ZNF462: variants seen among roughly 807,000 people sequenced by gnomAD.
ZNF462 encodes the protein zinc finger protein 462.
ZNF462 carries 10 observed loss-of-function variants against 201.9 expected under a neutral mutation model. The ratio of observed to expected loss-of-function variants is 0.05; its 90% CI spans 0.03 to 0.08. The LOEUF is 0.08. ZNF462 is among the 10% of genes least tolerant of loss of function. ZNF462 has a pLI of 1.00. For missense variants in ZNF462, 2,523 were observed against 3,168.3 expected, an observed-to-expected ratio of 0.80 and a Z score of 4.89; for synonymous variants, 1,227 against 1,193.3, an observed-to-expected ratio of 1.03 and a Z score of -0.58.
At chr9:106,908,398 T>C (rs117410736) in intron 1 of ZNF462, among the ~76,000 whole-genome samples, 1 of 152,146 alleles carries the variant, frequency 6.6e-6, no homozygotes, top group African/African-American at 2.4e-5. Flanking sequence ...ACTTTTACAT[T>C]ATTAAGTGTT....
rs185834318 is a variant in ZNF462, at chr9:107,013,309, C to T, written c.*2279C>T. ...AAACATATACCTGATATTTTGTGGCCGCACATTTTGGATGCATTATTATAA... is the reference window on the plus strand; with the variant it reads ...AAACATATACCTGATATTTTGTGGCTGCACATTTTGGATGCATTATTATAA... On this transcript the variant is annotated 3_prime_UTR_variant, in exon 13 of 13. Coordinates refer to ENST00000277225, the MANE Select transcript of ZNF462 (RefSeq NM_021224.6). The T allele has an allele frequency of 1.3e-5, 2 of 151,996 alleles. No individual in the cohort carries two copies. The highest frequency in any genetic ancestry group is 1.3e-4 in the Admixed American group (2 of 15,264). The allele number at this position is 151,996 out of a possible 1,614,324, so 9.4% of individuals were successfully genotyped here.
In ZNF462 at chr9:106,928,566, G is replaced by A. The variant is rs571851248; in HGVS notation, c.4654G>A (p.Val1552Ile). The change falls in exon 3 of 13, where the codon GTA (valine) becomes ATA (isoleucine). Residue 1552 changes from valine to isoleucine, a missense_variant. Val to Ile is a conservative substitution (Grantham distance 29, BLOSUM62 3). Around this residue, in one of 15 missense-constraint regions of ZNF462, gnomAD observed 200 missense variants for 281.3 expected, o/e 0.71. Coordinates refer to ENST00000277225, the MANE Select transcript of ZNF462 (RefSeq NM_021224.6). This position sits in a 1 kb window ranked among gnomAD's most constrained non-coding sequence, Gnocchi z 9.3. ...KVTAEDFVHD[V>I]EQSADISQND... ...GACCGCTGAGGACTTTGTGCACGAC[G>A]TAGAGCAGTCTGCTGACATATCCCA... 26 of 1,613,920 alleles carry A rather than the reference G, an allele frequency of 1.6e-5. No homozygotes were observed. The highest frequency in any genetic ancestry group is 6.6e-5 in the South Asian group (6 of 91,076).
rs1830702796 is a variant in ZNF462 at position 106,938,004 on chromosome 9, A to G, written c.6236-912A>G. 6.6e-6 allele frequency among the ~76,000 whole-genome samples: 1 copy of G among 152,204 alleles called. No individual in the cohort carries two copies. The highest frequency in any genetic ancestry group is 1.5e-5 in the Non-Finnish European group (1 of 68,026). On this transcript the variant is annotated intron_variant, in intron 6 of 12. Coordinates refer to ENST00000277225, the MANE Select transcript of ZNF462 (RefSeq NM_021224.6). The surrounding 1 kb of genome is among the most constrained non-coding windows in gnomAD (Gnocchi z 4.4). Reference sequence around the variant, plus strand: ...TCTTAAAAGCAAAATGGCTTTCTGAATTGATCTTACCAGTGTATATATGTC... The same window carrying G: ...TCTTAAAAGCAAAATGGCTTTCTGAGTTGATCTTACCAGTGTATATATGTC...
Position 106,974,423 on chromosome 9 carries a change from A to T in ZNF462, c.6832+150A>T. The T allele has an allele frequency of 1.6e-6, 2 of 1,282,828 alleles. No homozygotes were observed. Among genetic ancestry groups the T allele is most frequent in the Non-Finnish European group, 2.3e-6 (2 of 885,566 alleles). 79.5% of individuals were successfully genotyped at this position (1,282,828 alleles called of 1,614,324 possible). A position where few individuals can be genotyped will look rare whatever the true frequency, so the allele number is the denominator to read the frequency against. Reference sequence around the variant, plus strand: ...AGAAACCACAGTGATAACCACAGTGACAGCCAAAAGGGCAAAAACACCTTC... The same window carrying T: ...AGAAACCACAGTGATAACCACAGTGTCAGCCAAAAGGGCAAAAACACCTTC... On this transcript the variant is annotated intron_variant, in intron 9 of 12. Coordinates refer to ENST00000277225, the MANE Select transcript of ZNF462 (RefSeq NM_021224.6). The surrounding 1 kb of genome is among the most constrained non-coding windows in gnomAD (Gnocchi z 4.0).
In ZNF462 at chr9:106,930,794, C is replaced by T. The variant is rs1830393951; in HGVS notation, c.6012+105C>T. The T allele has an allele frequency of 1.5e-6, 2 of 1,372,500 alleles. No individual in the cohort carries two copies. Among genetic ancestry groups the T allele is most frequent in the Non-Finnish European group, 2.0e-6 (2 of 1,001,762 alleles). 85.0% of individuals were successfully genotyped at this position (1,372,500 alleles called of 1,614,324 possible). ...AGGAAAGAGCATCTCAGAATGCGGGCATTCCTGAATTATGCTTGGATTGGT... is the reference window on the plus strand; with the variant it reads ...AGGAAAGAGCATCTCAGAATGCGGGTATTCCTGAATTATGCTTGGATTGGT... On this transcript the variant is annotated intron_variant, in intron 4 of 12. Transcript: ENST00000277225. This position sits in a 1 kb window ranked among gnomAD's most constrained non-coding sequence, Gnocchi z 5.8.
chr9:106,979,004 C>T (rs1482370161), intron 9 of ZNF462: 2 of 224,736 alleles, frequency 8.9e-6, no homozygotes, highest in South Asian at 6.0e-5. Context: ...GGACTAGACA[C>T]CCCAATTTGG....
chr9:106,952,727 A>T (rs982573257), intron 7 of ZNF462, among the ~76,000 whole-genome samples: 2 of 152,236 alleles, frequency 1.3e-5, no homozygotes, highest in Admixed American at 1.3e-4. Context: ...TTAATTAATG[A>T]TAACTATCAC....
At position 106,930,525 on chromosome 9, in the gene ZNF462, C is replaced by G; in HGVS notation, c.5848C>G (p.Pro1950Ala). 1 of 1,614,048 alleles carries G rather than the reference C, an allele frequency of 6.2e-7. No individual in the cohort carries two copies. The highest frequency in any genetic ancestry group is 8.5e-7 in the Non-Finnish European group (1 of 1,179,956). Reference protein sequence around the residue: ...GAFADFKQERPFGHLEEVPKI... With the variant: ...GAFADFKQERAFGHLEEVPKI... Reference sequence around the variant, plus strand: ...GATGGCTACCACTGTATTTTACCAGCCTTTTGGTCACTTAGAAGAGGTGCC... The same window carrying G: ...GATGGCTACCACTGTATTTTACCAGGCTTTTGGTCACTTAGAAGAGGTGCC... The change falls in exon 4 of 13, where the codon CCT (proline) becomes GCT (alanine). Residue 1950 changes from proline to alanine, a missense_variant and splice_region_variant. This residue lies in a region of ZNF462 where 107 missense variants were observed against 187.7 expected (regional missense o/e 0.57). Transcript: ENST00000277225. The surrounding 1 kb of genome is among the most constrained non-coding windows in gnomAD (Gnocchi z 5.8).
At chr9:106,918,162 A>T (rs1004804202) in intron 1 of ZNF462, among the ~76,000 whole-genome samples, 1 of 152,142 alleles carries the variant, frequency 6.6e-6, no homozygotes, top group African/African-American at 2.4e-5. Context: ...GGCGTGAGCC[A>T]CCACGCCCTG....
At chr9:106,914,965 C>G (rs1175976790) in intron 1 of ZNF462, among the ~76,000 whole-genome samples, 1 of 151,868 alleles carries the variant, frequency 6.6e-6, no homozygotes, top group Non-Finnish European at 1.5e-5. Flanking sequence ...TGAATTTAAT[C>G]AGGAAAAAAA....
intron 1 of ZNF462, among the ~76,000 whole-genome samples, chr9:106,888,482 A>G (rs1828429377): frequency 6.6e-6 from 1 of 152,216 alleles, no homozygotes; most frequent in Admixed American, 6.5e-5. Context: ...GTTAACGTCT[A>G]ATTTGAGATG....
chr9:106,914,968 G>GA (rs529609903), intron 1 of ZNF462, among the ~76,000 whole-genome samples: 6 of 151,822 alleles, frequency 4.0e-5, no homozygotes, highest in Non-Finnish European at 5.9e-5. Flanking sequence ...ATTTAATCAG[G>GA]AAAAAAAATC....
chr9:106,888,811 G>T (rs11794083), intron 1 of ZNF462, among the ~76,000 whole-genome samples: 21,924 of 152,140 alleles, frequency 0.14, 1,697 homozygotes, highest in South Asian at 0.27. Flanking sequence ...ATCCTCTGCT[G>T]GAATATTTCC....
rs1251268338 is a variant in ZNF462 at position 106,950,907 on chromosome 9, T to C, written c.6427+11800T>C. Among the ~76,000 whole-genome samples the C allele has an allele frequency of 6.6e-6, 1 of 152,032 alleles. No homozygotes were observed. The highest frequency in any genetic ancestry group is 1.5e-5 in the Non-Finnish European group (1 of 68,014). ...GAGTTCAAGACCAGCCTGGCCAACATAGTGAAACCCCATCTCTACTAAAAA... is the reference window on the plus strand; with the variant it reads ...GAGTTCAAGACCAGCCTGGCCAACACAGTGAAACCCCATCTCTACTAAAAA... On this transcript the variant is annotated intron_variant, in intron 7 of 12. Transcript: ENST00000277225. The surrounding 1 kb of genome is among the most constrained non-coding windows in gnomAD (Gnocchi z 4.1).
chr9:106,867,851 C>T (rs573524433), intron 1 of ZNF462, among the ~76,000 whole-genome samples: 4 of 152,158 alleles, frequency 2.6e-5, no homozygotes, highest in Non-Finnish European at 5.9e-5. Context: ...TTCAGACTTA[C>T]ACTTCACTGC....
intron 7 of ZNF462, among the ~76,000 whole-genome samples, chr9:106,941,518 T>TA (rs1455088382): frequency 6.6e-6 from 1 of 152,218 alleles, no homozygotes; most frequent in Non-Finnish European, 1.5e-5. Context: ...AAGGGATTCT[T>TA]ACTTTTATCC....
chr9:106,926,440 A>T lies in ZNF462; in HGVS notation c.2528A>T (p.Tyr843Phe). 1 of 1,614,218 alleles carries T rather than the reference A, an allele frequency of 6.2e-7. No homozygotes were observed. Residue 843 changes from tyrosine (Y) to phenylalanine (F), a missense_variant, in exon 3 of 13, where the codon TAC becomes TTC. Tyr to Phe is a conservative substitution (Grantham distance 22). Coordinates refer to ENST00000277225, the MANE Select transcript of ZNF462 (RefSeq NM_021224.6). This position sits in a 1 kb window ranked among gnomAD's most constrained non-coding sequence, Gnocchi z 7.9. ...GACTTTGGTGACTCTGGAAGGCTTT[A>T]CTATTGTAAACACTGTGACTTTAAC... The part of the protein sequence containing the change: ...NTDFGDSGRL[Y>F]YCKHCDFNNK...
intron 10 of ZNF462, among the ~76,000 whole-genome samples, chr9:106,997,839 G>A (rs139410789): frequency 8.5e-5 from 13 of 152,134 alleles, no homozygotes; most frequent in Non-Finnish European, 1.6e-4. Flanking sequence ...CTCTAAGGAT[G>A]GTCTTGACAT....
In ZNF462 at chr9:106,932,149, GA is replaced by G; in HGVS notation, c.6013-296del. 2 of 1,459,056 alleles carry G rather than the reference GA, an allele frequency of 1.4e-6. No individual in the cohort carries two copies. Among genetic ancestry groups the G allele is most frequent in the Non-Finnish European group, 1.8e-6 (2 of 1,100,350 alleles). The allele number at this position is 1,459,056 out of a possible 1,614,324, so 90.4% of individuals were successfully genotyped here. ...CTGGAGAGGCAGGGGAGGAAGCTTT[GA>G]CAAGAAGTGCTGTTGAGTTTGGGAG... On this transcript the variant is annotated intron_variant, in intron 4 of 12. Coordinates refer to ENST00000277225, the MANE Select transcript of ZNF462 (RefSeq NM_021224.6). This position sits in a 1 kb window ranked among gnomAD's most constrained non-coding sequence, Gnocchi z 6.8.
Sources: gnomAD v4.1 joint callset for allele counts (sites outside exome capture counted in the v4.1 genomes callset) on GRCh38, gnomAD v4.1.1 for gene constraint, gnomAD v4.1.1 regional missense constraint, Gnocchi (gnomAD v3.1) non-coding constraint, MANE v1.5 for transcripts, NCBI Gene and HGNC (gene_info 2026-07-23, HGNC 2026-07-21) for gene names.